The following MED6 variants were observed in gnomAD, a reference collection of about 807,000 sequenced individuals.
The protein encoded by MED6 is mediator complex subunit 6.
In MED6, 33 loss-of-function variants were observed where a neutral mutation model predicts 37.5. The observed-to-expected ratio is 0.88, with a 90% CI of 0.67 to 1.18. The LOEUF is 1.18. Among genes scored for constraint, MED6 ranks in the 50% most tolerant of loss-of-function variants. MED6 has a pLI of 0.00. For synonymous variants in MED6, 94 were observed against 93.6 expected, an observed-to-expected ratio of 1.00 and a Z score of -0.02; for missense variants, 235 against 290.6, an observed-to-expected ratio of 0.81 and a Z score of 1.39.
rs749975190 is a variant in MED6 at position 70,596,591 on chromosome 14, C to T, written c.274+20G>A. 2 of 1,570,350 alleles carry T rather than the reference C, an allele frequency of 1.3e-6. No individual in the cohort carries two copies. The highest frequency in any genetic ancestry group is 1.7e-5 in the Admixed American group (1 of 57,294). ...TGGTATTTTAAAAAGAAAACAATGCCTAAAGTTTACACATTTTACCTTGGG... is the reference window on the plus strand; with the variant it reads ...TGGTATTTTAAAAAGAAAACAATGCTTAAAGTTTACACATTTTACCTTGGG... On this transcript the variant is annotated intron_variant, in intron 3 of 7. Transcript: ENST00000256379.
At chr14:70,585,704 C>A (rs2139586890) in intron 7 of MED6, 52 bp downstream of exon 7, 1 of 1,490,868 alleles carries the variant, frequency 6.7e-7, no homozygotes, top group East Asian at 2.4e-5. Flanking sequence ...GATTGATTTA[C>A]AAGCTGTTTG....
chr14:70,588,617 T>C lies in MED6; in HGVS notation c.582+2649A>G, dbSNP rs943188939. ...ACGAGAATGGCGTGAACCTGGGAGGTGGAGCTTGCAGTGAGCTGAGATCGT... is the reference window on the plus strand; with the variant it reads ...ACGAGAATGGCGTGAACCTGGGAGGCGGAGCTTGCAGTGAGCTGAGATCGT... On this transcript the variant is annotated intron_variant, in intron 6 of 7. Transcript: ENST00000256379. Among the ~76,000 whole-genome samples the C allele has an allele frequency of 6.0e-5, 9 of 150,846 alleles. No homozygotes were observed. In the South Asian group the frequency reaches 1.9e-3, roughly 32 times the overall value.
In MED6 at chr14:70,594,873, C is replaced by T. The variant is rs913744732; in HGVS notation, c.275-1495G>A. On this transcript the variant is annotated intron_variant, in intron 3 of 7. Coordinates refer to ENST00000256379, the MANE Select transcript of MED6 (RefSeq NM_005466.4). ...GAGTGAGGAGCCTGGAGACCGAGAA[C>T]CAGAGGCTAGAGAGCAAAATCCAGG... 2.1e-5 allele frequency: 14 copies of T among 666,016 alleles called. 1 individual carries two copies. The highest frequency in any genetic ancestry group is 1.6e-4 in the South Asian group (12 of 73,450). 41.3% of individuals were successfully genotyped at this position (666,016 alleles called of 1,614,324 possible).
intron 1 of MED6, 95 bp from the exon 2 acceptor site, chr14:70,597,872 T>G: frequency 1.0e-6 from 1 of 992,520 alleles, no homozygotes; most frequent in Non-Finnish European, 1.4e-6. Context: ...GTAGGCACTA[T>G]GAATATAAGG....
intron 6 of MED6, among the ~76,000 whole-genome samples, chr14:70,586,925 T>C (rs889987099): frequency 2.0e-5 from 3 of 152,208 alleles, no homozygotes; most frequent in African/African-American, 7.2e-5. Flanking sequence ...TCTAGAAACT[T>C]GGATTTTTGG....
Position 70,584,784 on chromosome 14 carries a change from G to A in MED6, c.*29C>T. 1 of 1,605,540 alleles carries A rather than the reference G, an allele frequency of 6.2e-7. No individual in the cohort carries two copies. Among genetic ancestry groups the A allele is most frequent in the Non-Finnish European group, 8.5e-7 (1 of 1,177,500 alleles). On this transcript the variant is annotated 3_prime_UTR_variant, in exon 8 of 8. Coordinates refer to ENST00000256379, the MANE Select transcript of MED6 (RefSeq NM_005466.4). ...TGAGGTATGATAACTAGCATGAGGA[G>A]TCTTCCAGGCTTCTCTTTTGTCCAG...
chr14:70,588,217 A>T (rs1319168367), intron 6 of MED6, among the ~76,000 whole-genome samples: 1 of 152,200 alleles, frequency 6.6e-6, no homozygotes, highest in Non-Finnish European at 1.5e-5. Flanking sequence ...TCTTTCTCCT[A>T]GTTATGTTAC....
At chr14:70,593,818 A>G (rs1884957647) in intron 3 of MED6, among the ~76,000 whole-genome samples, 1 of 152,202 alleles carries the variant, frequency 6.6e-6, no homozygotes, top group Non-Finnish European at 1.5e-5. Context: ...AAGACCTTGG[A>G]GCAAGACAGA....
chr14:70,597,788 GA>G lies in MED6; in HGVS notation c.23-12del. 6.5e-7 allele frequency: 1 copy of G among 1,531,332 alleles called. No homozygotes were observed. Among genetic ancestry groups the G allele is most frequent in the Non-Finnish European group, 8.7e-7 (1 of 1,152,332 alleles). 94.9% of individuals were successfully genotyped at this position (1,531,332 alleles called of 1,614,324 possible). A position where few individuals can be genotyped will look rare whatever the true frequency, so the allele number is the denominator to read the frequency against. ...TTCCCAGCAGATTGTCTATGGGAAA[GA>G]AAACAAAATGATAAAGGATTAGAAA... On this transcript the variant is annotated splice_polypyrimidine_tract_variant and intron_variant, in intron 1 of 7. Coordinates refer to ENST00000256379, the MANE Select transcript of MED6 (RefSeq NM_005466.4).
chr14:70,599,713 T>C lies in MED6; in HGVS notation c.22+903A>G, dbSNP rs1173302015. ...AACAATCTGAATTATAAGTAAAACA[T>C]TTTATAAACTAAATATTTCTCTTTT... On this transcript the variant is annotated intron_variant, in intron 1 of 7. Coordinates refer to ENST00000256379, the MANE Select transcript of MED6 (RefSeq NM_005466.4). Among the ~76,000 whole-genome samples the C allele has an allele frequency of 2.7e-5, 4 of 149,310 alleles. No homozygotes were observed. In the East Asian group the frequency reaches 7.1e-4, roughly 26 times the overall value.
At chr14:70,595,799 A>C in intron 3 of MED6, 1 of 701,468 alleles carries the variant, frequency 1.4e-6, no homozygotes. Context: ...GGTGTCTGAG[A>C]CCAACAACAT....
Position 70,600,153 on chromosome 14 carries a change from C to CA in MED6, c.22+462dup, listed in dbSNP as rs34230181. Among the ~76,000 whole-genome samples the CA allele has an allele frequency of 2.4e-4, 36 of 150,298 alleles. 1 individual carries two copies. The highest frequency in any genetic ancestry group is 1.1e-3 in the South Asian group (5 of 4,718). Reference sequence around the variant, plus strand: ...CGTTCGATGTAAAGTATTATCGACTCAAAAAAAAAGAAAATATCTGGGATT... The same window carrying CA: ...CGTTCGATGTAAAGTATTATCGACTCAAAAAAAAAAGAAAATATCTGGGATT... On this transcript the variant is annotated intron_variant, in intron 1 of 7. Coordinates refer to ENST00000256379, the MANE Select transcript of MED6 (RefSeq NM_005466.4).
At chr14:70,595,418 G>A in intron 3 of MED6, 2 of 569,220 alleles carry the variant, frequency 3.5e-6, no homozygotes, top group East Asian at 3.7e-5. Context: ...TTGCTAAGGT[G>A]ACGCTCACGG....
chr14:70,584,127 G>A lies in MED6; in HGVS notation c.*686C>T. On this transcript the variant is annotated 3_prime_UTR_variant, in exon 8 of 8. Coordinates refer to ENST00000256379, the MANE Select transcript of MED6 (RefSeq NM_005466.4). ...TGTTTATTTTAATACTGAGGATTAT[G>A]TAACTGAACAAAAAGAAATATGCTT... The A allele has an allele frequency of 1.4e-6, 1 of 738,164 alleles. No homozygotes were observed. Among genetic ancestry groups the A allele is most frequent in the Non-Finnish European group, 2.4e-6 (1 of 408,846 alleles). 45.7% of individuals were successfully genotyped at this position (738,164 alleles called of 1,614,324 possible).
At chr14:70,585,552 A>C (rs1207012772) in intron 7 of MED6, among the ~76,000 whole-genome samples, 1 of 132,600 alleles carries the variant, frequency 7.5e-6, no homozygotes, top group Non-Finnish European at 1.5e-5. Flanking sequence ...AAACATTATG[A>C]GACTTTTTTT....
rs1168774608 is a variant in MED6, at chr14:70,585,826, A to G, written c.583-43T>C. Reference sequence around the variant, plus strand: ...AAAGGGAGGGAGAGGAAGAGGAAAAAGAAGAAAACAGGTCAACTTGGCAAA... The same window carrying G: ...AAAGGGAGGGAGAGGAAGAGGAAAAGGAAGAAAACAGGTCAACTTGGCAAA... On this transcript the variant is annotated intron_variant, in intron 6 of 7. Coordinates refer to ENST00000256379, the MANE Select transcript of MED6 (RefSeq NM_005466.4). 7 of 1,563,078 alleles carry G rather than the reference A, an allele frequency of 4.5e-6. No homozygotes were observed. In the East Asian group the frequency reaches 1.4e-4, roughly 30 times the overall value.
rs921495834 is a variant in MED6 at position 70,585,844 on chromosome 14, T to A, written c.583-61A>T. The A allele has an allele frequency of 1.1e-5, 15 of 1,411,702 alleles. No homozygotes were observed. In the Admixed American group the frequency reaches 1.5e-4, roughly 14 times the overall value. The allele number at this position is 1,411,702 out of a possible 1,614,324, so 87.4% of individuals were successfully genotyped here. A position where few individuals can be genotyped will look rare whatever the true frequency, so the allele number is the denominator to read the frequency against. ...AGGAAAAAGAAGAAAACAGGTCAAC[T>A]TGGCAAAATTTCTTCTTCCTGATGT... On this transcript the variant is annotated intron_variant, in intron 6 of 7. Coordinates refer to ENST00000256379, the MANE Select transcript of MED6 (RefSeq NM_005466.4).
At chr14:70,598,034 C>T (rs959692228) in intron 1 of MED6, among the ~76,000 whole-genome samples, 37 of 152,044 alleles carry the variant, frequency 2.4e-4, no homozygotes, top group African/African-American at 8.9e-4. Context: ...GGTGGCTCAG[C>T]CTGTAATGCC....
At chr14:70,600,181 T>G (rs943909732) in intron 1 of MED6, among the ~76,000 whole-genome samples, 6 of 152,138 alleles carry the variant, frequency 3.9e-5, no homozygotes, top group African/African-American at 1.4e-4. Flanking sequence ...CTGGGATTCA[T>G]GCTCAGGGAC....
Sources: gnomAD v4.1 joint callset for allele counts (sites outside exome capture counted in the v4.1 genomes callset) on GRCh38, gnomAD v4.1.1 for gene constraint, MANE v1.5 for transcripts, NCBI Gene and HGNC (gene_info 2026-07-23, HGNC 2026-07-21) for gene names.